The following ACTR5 variants were observed in gnomAD, a reference collection of about 807,000 sequenced individuals.
ACTR5 encodes the protein actin related protein 5.
ACTR5 carries 43 observed loss-of-function variants against 61.2 expected under a neutral mutation model. The observed-to-expected ratio is 0.70, with a 90% CI of 0.55 to 0.91. The LOEUF (loss-of-function observed/expected upper bound fraction) is 0.91. Among genes scored for constraint, ACTR5 ranks in the 40% least tolerant of loss-of-function variants. ACTR5 has a pLI of 0.00. For missense variants in ACTR5, 798 were observed against 782.2 expected (o/e 1.02, Z -0.24); for synonymous variants, 333 against 310.5 (o/e 1.07, Z -0.76).
chr20:38,756,864 G>A (rs530365275), intron 5 of ACTR5, among the ~76,000 whole-genome samples: 30 of 152,266 alleles, frequency 2.0e-4, no homozygotes, highest in Non-Finnish European at 3.1e-4. Flanking sequence ...AGACCGCTCC[G>A]TTGCACTCCA....
At chr20:38,764,422 T>C (rs901707937) in intron 5 of ACTR5, among the ~76,000 whole-genome samples, 1 of 152,198 alleles carries the variant, frequency 6.6e-6, no homozygotes, top group Non-Finnish European at 1.5e-5. Flanking sequence ...AAAGATGTCT[T>C]TCAGAACCAC....
intron 8 of ACTR5, among the ~76,000 whole-genome samples, chr20:38,768,380 G>A (rs570200158): frequency 6.6e-6 from 1 of 152,314 alleles, no homozygotes; most frequent in East Asian, 1.9e-4. Context: ...GACTCAGCTT[G>A]TAATCCTACT....
At chr20:38,758,998 AG>A (rs2084437129) in intron 5 of ACTR5, among the ~76,000 whole-genome samples, 1 of 152,188 alleles carries the variant, frequency 6.6e-6, no homozygotes, top group South Asian at 2.1e-4. Context: ...GCTATTCTGC[AG>A]TTGTTTCTGT....
In ACTR5 at chr20:38,748,475, C is replaced by G. The variant is rs2084365156; in HGVS notation, c.-4C>G. 6.7e-7 allele frequency: 1 copy of G among 1,481,936 alleles called. No individual in the cohort carries two copies. The allele number at this position is 1,481,936 out of a possible 1,614,324, so 91.8% of individuals were successfully genotyped here. ...GAGGGGCGGGGCTGGACGCGCGCTC[C>G]AAGATGGCGGCGAACGTGTTCCCGT... On this transcript the variant is annotated 5_prime_UTR_variant, in exon 1 of 9. Coordinates refer to ENST00000243903, the MANE Select transcript of ACTR5 (RefSeq NM_024855.4).
chr20:38,755,796 C>A, intron 4 of ACTR5, 61 bp from the exon 5 acceptor site: 3 of 1,596,604 alleles, frequency 1.9e-6, no homozygotes, highest in Non-Finnish European at 2.6e-6. Context: ...CTCCAGCTGT[C>A]GTTTTCTCCG....
chr20:38,760,495 T>G (rs2084446954), intron 5 of ACTR5, among the ~76,000 whole-genome samples: 1 of 152,176 alleles, frequency 6.6e-6, no homozygotes, highest in South Asian at 2.1e-4. Flanking sequence ...TAGGATCAGA[T>G]GTAGGATCCC....
Position 38,750,083 on chromosome 20 carries a change from A to G in ACTR5, c.449A>G (p.Glu150Gly). The change falls in exon 2 of 9, where the codon GAG (glutamate) becomes GGG (glycine). Residue 150 changes from glutamate (E) to glycine (G), a missense_variant. Physicochemically the swap from Glu to Gly is moderately conservative, Grantham distance 98. Coordinates refer to ENST00000243903, the MANE Select transcript of ACTR5 (RefSeq NM_024855.4). Reference sequence around the variant, plus strand: ...CTGTATTCACGGCAAATGATGTCTGAGCTTCTTTTTGAGTGCTACGGGATT... The same window carrying G: ...CTGTATTCACGGCAAATGATGTCTGGGCTTCTTTTTGAGTGCTACGGGATT... ...NPLYSRQMMS[E>G]LLFECYGIPK... The G allele has an allele frequency of 1.2e-6, 2 of 1,614,130 alleles. No homozygotes were observed. The highest frequency in any genetic ancestry group is 1.7e-6 in the Non-Finnish European group (2 of 1,180,034).
chr20:38,770,274 A>G (rs890314331), intron 8 of ACTR5, among the ~76,000 whole-genome samples: 7 of 152,250 alleles, frequency 4.6e-5, no homozygotes, highest in Non-Finnish European at 1.0e-4. Flanking sequence ...AGAGAACCCC[A>G]AGATGTGCAA....
At chr20:38,753,114 G>A (rs557044063) in intron 3 of ACTR5, among the ~76,000 whole-genome samples, 26 of 152,310 alleles carry the variant, frequency 1.7e-4, no homozygotes, top group African/African-American at 6.0e-4. Context: ...CACTCAGTCC[G>A]GAGAGTTAGA....
At chr20:38,760,899 A>G (rs1601199913) in intron 5 of ACTR5, among the ~76,000 whole-genome samples, 2 of 149,624 alleles carry the variant, frequency 1.3e-5, no homozygotes, top group East Asian at 4.0e-4. Flanking sequence ...CACAGGCTGG[A>G]GTATATGTTG....
chr20:38,752,636 A>G (rs933551116), intron 3 of ACTR5, among the ~76,000 whole-genome samples: 6 of 152,244 alleles, frequency 3.9e-5, no homozygotes, highest in East Asian at 3.8e-4. Flanking sequence ...ATACCCTTAT[A>G]ATAACATCTA....
intron 6 of ACTR5, among the ~76,000 whole-genome samples, chr20:38,765,810 C>T (rs936599710): frequency 2.6e-5 from 4 of 152,146 alleles, no homozygotes; most frequent in African/African-American, 9.7e-5. Flanking sequence ...TACATTTAAG[C>T]CAATGCCAGT....
In ACTR5 at chr20:38,748,782, G is replaced by T; in HGVS notation, c.304G>T (p.Val102Leu). ...WMLRSPFDRN[V>L]PVNLELQELL... ...GCTGCGCTCGCCCTTCGACCGCAAC[G>T]TGCCGGTCAACCTGGAGCTTCAGGA... Residue 102 changes from valine (V) to leucine (L), a missense_variant, in exon 1 of 9, where the codon GTG becomes TTG. Physicochemically the swap from Val to Leu is conservative, Grantham distance 32 (BLOSUM62 1). Transcript: ENST00000243903. The T allele has an allele frequency of 1.9e-6, 3 of 1,608,652 alleles. No individual in the cohort carries two copies. Among genetic ancestry groups the T allele is most frequent in the Non-Finnish European group, 2.5e-6 (3 of 1,178,802 alleles).
At position 38,748,489 on chromosome 20, in the gene ACTR5, A is replaced by G. The variant is rs1184840511; in HGVS notation, c.11A>G (p.Asn4Ser). 9 of 1,489,016 alleles carry G rather than the reference A, an allele frequency of 6.0e-6. No homozygotes were observed. Among genetic ancestry groups the G allele is most frequent in the African/African-American group, 1.5e-5 (1 of 68,370 alleles). The allele number at this position is 1,489,016 out of a possible 1,614,324, so 92.2% of individuals were successfully genotyped here. Residue 4 changes from asparagine (N) to serine (S), a missense_variant, in exon 1 of 9, where the codon AAC becomes AGC. Asn to Ser is a conservative substitution (Grantham distance 46). Coordinates refer to ENST00000243903, the MANE Select transcript of ACTR5 (RefSeq NM_024855.4). ...GACGCGCGCTCCAAGATGGCGGCGA[A>G]CGTGTTCCCGTTCCGCGACGCCCGT... MAA[N>S]VFPFRDARAA...
intron 5 of ACTR5, among the ~76,000 whole-genome samples, chr20:38,759,969 C>G (rs1359145229): frequency 6.6e-6 from 1 of 151,574 alleles, no homozygotes; most frequent in Non-Finnish European, 1.5e-5. Context: ...GCTTTGAGAC[C>G]AATCCCTGAG....
intron 3 of ACTR5, among the ~76,000 whole-genome samples, chr20:38,753,990 T>C (rs926071394): frequency 1.3e-5 from 2 of 152,096 alleles, no homozygotes; most frequent in African/African-American, 4.8e-5. Context: ...ACAGTCTACT[T>C]AGATTCTGTA....
intron 3 of ACTR5, among the ~76,000 whole-genome samples, chr20:38,754,286 G>A (rs2084404683): frequency 6.6e-6 from 1 of 152,130 alleles, no homozygotes; most frequent in Non-Finnish European, 1.5e-5. Flanking sequence ...TTACTTAGCA[G>A]TTCTTTTAGA....
At chr20:38,769,772 C>A (rs775730582) in intron 8 of ACTR5, among the ~76,000 whole-genome samples, 2 of 151,898 alleles carry the variant, frequency 1.3e-5, no homozygotes, top group African/African-American at 4.8e-5. Flanking sequence ...AAGGATGAAC[C>A]CCTAAAGAAC....
chr20:38,762,858 G>A (rs1601201188), intron 5 of ACTR5, among the ~76,000 whole-genome samples: 1 of 152,154 alleles, frequency 6.6e-6, no homozygotes, highest in East Asian at 1.9e-4. Flanking sequence ...TGTTACTTGG[G>A]GAATCACAGG....
Sources: gnomAD v4.1 joint callset for allele counts (sites outside exome capture counted in the v4.1 genomes callset) on GRCh38, gnomAD v4.1.1 for gene constraint, MANE v1.5 for transcripts, NCBI Gene and HGNC (gene_info 2026-07-23, HGNC 2026-07-21) for gene names.